The following KCNJ14 variants were observed in gnomAD, a reference collection of about 807,000 sequenced individuals.
The protein encoded by KCNJ14 is ATP-sensitive inward rectifier potassium channel 14.
A neutral mutation model predicts 24.5 loss-of-function variants in KCNJ14; 18 were observed. That is an observed-to-expected ratio of 0.74 (90% CI 0.51 to 1.09). KCNJ14 has a LOEUF of 1.09. Among genes scored for constraint, KCNJ14 ranks in the 50% least tolerant of loss-of-function variants. The pLI is 0.00. For synonymous variants in KCNJ14, 288 were observed against 270.8 expected, an observed-to-expected ratio of 1.06 and a Z score of -0.63; for missense variants, 633 against 623.0, an observed-to-expected ratio of 1.02 and a Z score of -0.17.
intron 1 of KCNJ14, among the ~76,000 whole-genome samples, chr19:48,459,912 C>T (rs1294599479): frequency 2.6e-5 from 4 of 151,852 alleles, no homozygotes; most frequent in Admixed American, 1.3e-4. Flanking sequence ...GCCTGTAATC[C>T]TGGCTGCTCG....
intron 1 of KCNJ14, among the ~76,000 whole-genome samples, chr19:48,458,935 CAAAAAAAAAA>C (rs34990679): frequency 7.8e-5 from 3 of 38,650 alleles, no homozygotes; most frequent in Non-Finnish European, 1.3e-4. Context: ...GACTCCGTCT[CAAAAAAAAAA>C]AAAAAAAAAA....
chr19:48,460,952 TGA>T (rs1291802801), intron 1 of KCNJ14, among the ~76,000 whole-genome samples: 1 of 151,334 alleles, frequency 6.6e-6, no homozygotes, highest in African/African-American at 2.4e-5. Context: ...GCCAGGAGTT[TGA>T]GACCAGCCTG....
chr19:48,465,594 G>C lies in KCNJ14; in HGVS notation c.*817G>C, dbSNP rs956456212. 2.6e-5 allele frequency: 4 copies of C among 152,634 alleles called. No homozygotes were observed. Among genetic ancestry groups the C allele is most frequent in the Admixed American group, 1.3e-4 (2 of 15,290 alleles). 9.5% of individuals were successfully genotyped at this position (152,634 alleles called of 1,614,324 possible). A position where few individuals can be genotyped will look rare whatever the true frequency, so the allele number is the denominator to read the frequency against. ...GCACCCAGCCAAGAGAATAAGCAGT[G>C]CTTTGAAAGGATCCACTGGGTGGGT... On this transcript the variant is annotated 3_prime_UTR_variant, in exon 3 of 3. Transcript: ENST00000342291.
rs183138652 is a variant in KCNJ14, at chr19:48,460,224, T to C, written c.-55-1446T>C. Among the ~76,000 whole-genome samples, 5 of 151,866 alleles carry C rather than the reference T, an allele frequency of 3.3e-5. No homozygotes were observed. The East Asian group carries it at 9.6e-4, about 29-fold the overall frequency. On this transcript the variant is annotated intron_variant, in intron 1 of 2. Coordinates refer to ENST00000342291, the MANE Select transcript of KCNJ14 (RefSeq NM_013348.4). ...GCATTCAAATCCCAGTTTACTTACCTGTGGTCTTGGGGAAGTTTTATTTAT... is the reference window on the plus strand; with the variant it reads ...GCATTCAAATCCCAGTTTACTTACCCGTGGTCTTGGGGAAGTTTTATTTAT...
In KCNJ14 at chr19:48,462,443, G is replaced by C. The variant is rs575240795; in HGVS notation, c.714+5G>C. ...GTGCGTGCCCAGCTGCTGCAGGTGCGCCCGGGAGGAGAGGCGGGGACTTCC... is the reference window on the plus strand; with the variant it reads ...GTGCGTGCCCAGCTGCTGCAGGTGCCCCCGGGAGGAGAGGCGGGGACTTCC... On this transcript the variant is annotated splice_donor_5th_base_variant and intron_variant, in intron 2 of 2. Coordinates refer to ENST00000342291, the MANE Select transcript of KCNJ14 (RefSeq NM_013348.4). This position sits in a 1 kb window ranked among gnomAD's most constrained non-coding sequence, Gnocchi z 4.9. 4 of 1,462,886 alleles carry C rather than the reference G, an allele frequency of 2.7e-6. No homozygotes were observed. In the East Asian group the frequency reaches 7.5e-5, roughly 27 times the overall value. The allele number at this position is 1,462,886 out of a possible 1,614,324, so 90.6% of individuals were successfully genotyped here.
rs1276290697 is a variant in KCNJ14 at position 48,462,393 on chromosome 19, C to T, written c.669C>T (p.Arg223=). 2.0e-6 allele frequency: 3 copies of T among 1,519,180 alleles called. No individual in the cohort carries two copies. The highest frequency in any genetic ancestry group is 2.7e-6 in the Non-Finnish European group (3 of 1,127,980). The allele number at this position is 1,519,180 out of a possible 1,614,324, so 94.1% of individuals were successfully genotyped here. ...TCATGTGGCGCGTCGGCAACCTGCG[C>T]CGCAGCCACCTGGTCGAGGCCCACG... is the stretch of plus-strand genomic sequence containing the variant. The part of the protein sequence containing the change: ...LCLMWRVGNL[R]RSHLVEAHVR... Residue 223 remains arginine, a synonymous_variant, in exon 2 of 3, where the codon CGC becomes CGT. Coordinates refer to ENST00000342291, the MANE Select transcript of KCNJ14 (RefSeq NM_013348.4). The surrounding 1 kb of genome is among the most constrained non-coding windows in gnomAD (Gnocchi z 4.9).
Position 48,464,974 on chromosome 19 carries a change from T to G in KCNJ14, c.*197T>G. 4 of 587,380 alleles carry G rather than the reference T, an allele frequency of 6.8e-6. No individual in the cohort carries two copies. The highest frequency in any genetic ancestry group is 1.2e-5 in the Non-Finnish European group (4 of 329,594). The allele number at this position is 587,380 out of a possible 1,614,324, so 36.4% of individuals were successfully genotyped here. A position where few individuals can be genotyped will look rare whatever the true frequency, so the allele number is the denominator to read the frequency against. On this transcript the variant is annotated 3_prime_UTR_variant, in exon 3 of 3. Transcript: ENST00000342291. ...CTGGACCTTAATTCCTCTGCTTCTG[T>G]GCTCCCTCCTGAGAACCCTTTATGA...
At position 48,461,927 on chromosome 19, in the gene KCNJ14, G is replaced by C. The variant is rs1428265396; in HGVS notation, c.203G>C (p.Gly68Ala). ...HCNVRFVNLG[G>A]QGARYLSDLF... ...AACGTGCGTTTCGTAAACCTGGGTG[G>C]CCAGGGCGCGCGCTACCTGAGCGAC... is the stretch of plus-strand genomic sequence containing the variant. The change falls in exon 2 of 3, where the codon GGC (glycine) becomes GCC (alanine). Residue 68 changes from glycine (G) to alanine (A), a missense_variant. By Grantham distance (60) the Gly-to-Ala change is moderately conservative. Transcript: ENST00000342291. 4 of 1,609,718 alleles carry C rather than the reference G, an allele frequency of 2.5e-6. No homozygotes were observed. The highest frequency in any genetic ancestry group is 3.3e-5 in the Admixed American group (2 of 59,722).
At position 48,462,070 on chromosome 19, in the gene KCNJ14, G is replaced by C. The variant is rs750166184; in HGVS notation, c.346G>C (p.Gly116Arg). 7.5e-6 allele frequency: 12 copies of C among 1,607,578 alleles called. No homozygotes were observed. In the African/African-American group the frequency reaches 1.3e-4, roughly 18 times the overall value. ...CTTCTGGCTCATTGCCTCGCTGCAC[G>C]GCGACCTGGCCGCCCCGCCACCGCC... ...LAFWLIASLH[G>R]DLAAPPPPAP... Residue 116 changes from glycine (G) to arginine (R), a missense_variant, in exon 2 of 3, where the codon GGC (glycine) becomes CGC (arginine). By Grantham distance (125) the Gly-to-Arg change is moderately radical (BLOSUM62 -2). Transcript: ENST00000342291. This position sits in a 1 kb window ranked among gnomAD's most constrained non-coding sequence, Gnocchi z 4.9.
chr19:48,458,815 A>C (rs1315368037), intron 1 of KCNJ14, among the ~76,000 whole-genome samples: 3 of 151,870 alleles, frequency 2.0e-5, no homozygotes, highest in Non-Finnish European at 4.4e-5. Context: ...ATGAGCCTGT[A>C]ATTCCAGATA....
intron 1 of KCNJ14, among the ~76,000 whole-genome samples, chr19:48,458,797 A>C (rs1971561924): frequency 6.6e-6 from 1 of 151,990 alleles, no homozygotes; most frequent in Non-Finnish European, 1.5e-5. Context: ...ATTAGCTGGG[A>C]TGGTGGCATG....
In KCNJ14 at chr19:48,462,425, C is replaced by T; in HGVS notation, c.701C>T (p.Ala234Val). 1 of 1,480,670 alleles carries T rather than the reference C, an allele frequency of 6.8e-7. No homozygotes were observed. The highest frequency in any genetic ancestry group is 9.0e-7 in the Non-Finnish European group (1 of 1,111,806). 91.7% of individuals were successfully genotyped at this position (1,480,670 alleles called of 1,614,324 possible). A position where few individuals can be genotyped will look rare whatever the true frequency, so the allele number is the denominator to read the frequency against. ...RSHLVEAHVR[A>V]QLLQPRVTPE... The stretch of plus-strand genomic sequence containing the variant: ...CACCTGGTCGAGGCCCACGTGCGTG[C>T]CCAGCTGCTGCAGGTGCGCCCGGGA... The change falls in exon 2 of 3, where the codon GCC (alanine) becomes GTC (valine). Residue 234 changes from alanine (A) to valine (V), a missense_variant. Coordinates refer to ENST00000342291, the MANE Select transcript of KCNJ14 (RefSeq NM_013348.4). This position sits in a 1 kb window ranked among gnomAD's most constrained non-coding sequence, Gnocchi z 4.9.
In KCNJ14 at chr19:48,461,786, C is replaced by T. The variant is rs1440109180; in HGVS notation, c.62C>T (p.Ala21Val). The change falls in exon 2 of 3, where the codon GCG becomes GTG. Residue 21 changes from alanine (A) to valine (V), a missense_variant. By Grantham distance (64) the Ala-to-Val change is moderately conservative. Transcript: ENST00000342291. ...SGALDSGDSRAGDEEEAGPGL... is the reference protein window; with the variant it reads ...SGALDSGDSRVGDEEEAGPGL... The stretch of plus-strand genomic sequence containing the variant: ...GCCCTGGATTCGGGAGACAGCCGGG[C>T]GGGCGATGAAGAGGAGGCCGGGCCC... 1.1e-5 allele frequency: 16 copies of T among 1,459,466 alleles called. No homozygotes were observed. The highest frequency in any genetic ancestry group is 1.5e-5 in the South Asian group (1 of 68,690). The allele number at this position is 1,459,466 out of a possible 1,614,324, so 90.4% of individuals were successfully genotyped here. A position where few individuals can be genotyped will look rare whatever the true frequency, so the allele number is the denominator to read the frequency against.
Position 48,457,947 on chromosome 19 carries a change from A to C in KCNJ14, c.-56+2089A>C, listed in dbSNP as rs60651902. Among the ~76,000 whole-genome samples the C allele has an allele frequency of 5.0e-3, 755 of 152,238 alleles. 5 individuals carry two copies. Among genetic ancestry groups the C allele is most frequent in the African/African-American group, 0.018 (727 of 41,518 alleles). ...ATGATCTGCCTACCTTGGCCTCCCA[A>C]AGTCCTGGGATTACAGGTGCGAGCC... On this transcript the variant is annotated intron_variant, in intron 1 of 2. Transcript: ENST00000342291.
At chr19:48,457,608 A>G (rs140354899) in intron 1 of KCNJ14, among the ~76,000 whole-genome samples, 2 of 152,360 alleles carry the variant, frequency 1.3e-5, no homozygotes, top group Non-Finnish European at 2.9e-5. Flanking sequence ...TAATTCACAT[A>G]TCATATCATA....
In KCNJ14 at chr19:48,462,091, C is replaced by G; in HGVS notation, c.367C>G (p.Pro123Ala). 6.2e-7 allele frequency: 1 copy of G among 1,602,448 alleles called. No individual in the cohort carries two copies. The highest frequency in any genetic ancestry group is 8.5e-7 in the Non-Finnish European group (1 of 1,176,256). The change falls in exon 2 of 3, where the codon CCG (proline) becomes GCG (alanine). Residue 123 changes from proline to alanine, a missense_variant. Transcript: ENST00000342291. This position sits in a 1 kb window ranked among gnomAD's most constrained non-coding sequence, Gnocchi z 4.9. ...GCACGGCGACCTGGCCGCCCCGCCA[C>G]CGCCCGCGCCCTGCTTCTCACACGT... Reference protein sequence around the residue: ...SLHGDLAAPPPPAPCFSHVAS... With the variant: ...SLHGDLAAPPAPAPCFSHVAS...
Position 48,462,146 on chromosome 19 carries a change from C to T in KCNJ14, c.422C>T (p.Ala141Val). Residue 141 changes from alanine to valine, a missense_variant, in exon 2 of 3, where the codon GCG (alanine) becomes GTG (valine). By Grantham distance (64) the Ala-to-Val change is moderately conservative. Transcript: ENST00000342291. The surrounding 1 kb of genome is among the most constrained non-coding windows in gnomAD (Gnocchi z 4.9). ...AGCTTCCTGGCCGCCTTCCTCTTCG[C>T]GCTGGAGACGCAGACGTCCATCGGC... is the stretch of plus-strand genomic sequence containing the variant. ...VASFLAAFLFALETQTSIGYG... is the reference protein window; with the variant it reads ...VASFLAAFLFVLETQTSIGYG... The T allele has an allele frequency of 6.3e-7, 1 of 1,589,278 alleles. No individual in the cohort carries two copies. Among genetic ancestry groups the T allele is most frequent in the Non-Finnish European group, 8.6e-7 (1 of 1,168,798 alleles).
chr19:48,461,642 T>C (rs1219991137), intron 1 of KCNJ14, 28 bp from the exon 2 acceptor site: 3 of 827,650 alleles, frequency 3.6e-6, no homozygotes, highest in Non-Finnish European at 5.2e-6. Flanking sequence ...CTGTTGCCCC[T>C]GACGTTTCTG....
At position 48,462,055 on chromosome 19, in the gene KCNJ14, A is replaced by G. The variant is rs763714835; in HGVS notation, c.331A>G (p.Ile111Val). 12 of 1,610,262 alleles carry G rather than the reference A, an allele frequency of 7.5e-6. No homozygotes were observed. Among genetic ancestry groups the G allele is most frequent in the Non-Finnish European group, 1.0e-5 (12 of 1,179,556 alleles). ...WLLFGLAFWL[I>V]ASLHGDLAAP... ...GCTCTTCGGCCTGGCCTTCTGGCTC[A>G]TTGCCTCGCTGCACGGCGACCTGGC... Residue 111 changes from isoleucine to valine, a missense_variant, in exon 2 of 3, where the codon ATT becomes GTT. By Grantham distance (29) the Ile-to-Val change is conservative (BLOSUM62 3). Coordinates refer to ENST00000342291, the MANE Select transcript of KCNJ14 (RefSeq NM_013348.4). The surrounding 1 kb of genome is among the most constrained non-coding windows in gnomAD (Gnocchi z 4.9).
Sources: allele counts gnomAD v4.1 joint callset (sites outside exome capture counted in the v4.1 genomes callset), GRCh38; gene constraint gnomAD v4.1.1; non-coding constraint Gnocchi (gnomAD v3.1); transcripts MANE v1.5; gene names NCBI Gene and HGNC (gene_info 2026-07-23, HGNC 2026-07-21).